Variants in VASH2 observed in about 807,000 individuals in gnomAD.
The protein encoded by VASH2 is vasohibin 2.
Under a neutral mutation model 37.2 loss-of-function variants are expected in VASH2, and 28 were observed. The observed-to-expected ratio is 0.75, with a 90% CI of 0.56 to 1.03. VASH2 has a LOEUF of 1.03. VASH2 is among the 50% of genes least tolerant of loss of function. The pLI, the probability that VASH2 is intolerant of heterozygous loss-of-function variation, is 0.00. For synonymous variants in VASH2, 188 were observed against 174.7 expected, an observed-to-expected ratio of 1.08 and a Z score of -0.60; for missense variants, 419 against 459.1, an observed-to-expected ratio of 0.91 and a Z score of 0.80.
In VASH2 at chr1:212,991,363, C is replaced by CT. The variant is rs2075858021; in HGVS notation, c.*2782dup. 6.6e-6 allele frequency: 1 copy of CT among 152,096 alleles called. No homozygotes were observed. The highest frequency in any genetic ancestry group is 1.5e-5 in the Non-Finnish European group (1 of 68,010). 9.4% of individuals were successfully genotyped at this position (152,096 alleles called of 1,614,324 possible). A position where few individuals can be genotyped will look rare whatever the true frequency, so the allele number is the denominator to read the frequency against. ...AGTTTTTTTGACATACAATTCAGAACTTTGTTTATTCTCTTGGACTTTGTT... is the reference window on the plus strand; with the variant it reads ...AGTTTTTTTGACATACAATTCAGAACTTTTGTTTATTCTCTTGGACTTTGTT... On this transcript the variant is annotated 3_prime_UTR_variant, in exon 8 of 8. Coordinates refer to ENST00000517399, the MANE Select transcript of VASH2 (RefSeq NM_001301056.2).
intron 7 of VASH2, among the ~76,000 whole-genome samples, chr1:212,983,760 A>G (rs995579929): frequency 1.3e-5 from 2 of 152,214 alleles, no homozygotes; most frequent in African/African-American, 4.8e-5. Context: ...CATTCTAGAC[A>G]GGAGACAGCA....
chr1:212,960,288 A>G (rs919284589), intron 2 of VASH2, among the ~76,000 whole-genome samples: 2 of 152,144 alleles, frequency 1.3e-5, no homozygotes, highest in Non-Finnish European at 2.9e-5. Context: ...TGTTGTAGAC[A>G]TTCAGGGAGT....
intron 2 of VASH2, among the ~76,000 whole-genome samples, chr1:212,954,826 C>T (rs1666433571): frequency 6.6e-6 from 1 of 152,200 alleles, no homozygotes. Context: ...CAAATGTGGA[C>T]AGTCAGCTTT....
intron 6 of VASH2, chr1:212,973,524 G>A (rs1335616726): frequency 3.1e-6 from 4 of 1,289,852 alleles, no homozygotes; most frequent in Non-Finnish European, 4.0e-6. Flanking sequence ...GACCTGGAGT[G>A]GAGATTCCTG....
Position 212,988,801 on chromosome 1 carries a change from T to C in VASH2, c.*217T>C, listed in dbSNP as rs755486411. On this transcript the variant is annotated 3_prime_UTR_variant, in exon 8 of 8. Coordinates refer to ENST00000517399, the MANE Select transcript of VASH2 (RefSeq NM_001301056.2). ...GCTGAAGTAATAAGCCCCACTGGGG[T>C]TGGACTATGTCCCTCACTCAAGATC... is the stretch of plus-strand genomic sequence containing the variant. 8.9e-6 allele frequency: 5 copies of C among 559,462 alleles called. No individual in the cohort carries two copies. The highest frequency in any genetic ancestry group is 1.3e-5 in the Non-Finnish European group (4 of 312,470). 34.7% of individuals were successfully genotyped at this position (559,462 alleles called of 1,614,324 possible). A position where few individuals can be genotyped will look rare whatever the true frequency, so the allele number is the denominator to read the frequency against.
chr1:212,956,354 C>T (rs1057310189), intron 2 of VASH2, among the ~76,000 whole-genome samples: 2 of 152,152 alleles, frequency 1.3e-5, no homozygotes, highest in African/African-American at 4.8e-5. Flanking sequence ...TTTTCTGGGG[C>T]CCCCACCCCT....
At position 212,972,746 on chromosome 1, in the gene VASH2, T is replaced by C; in HGVS notation, c.664T>C (p.Phe222Leu). Residue 222 changes from phenylalanine to leucine, a missense_variant, in exon 6 of 8, where the codon TTT (phenylalanine) becomes CTT (leucine). Phe to Leu is a conservative substitution (Grantham distance 22). Transcript: ENST00000517399. Reference protein sequence around the residue: ...RAELMDKPLTFRTLSDLIFDF... With the variant: ...RAELMDKPLTLRTLSDLIFDF... Reference sequence around the variant, plus strand: ...TGAGCTGATGGACAAGCCATTGACTTTTCGGACTCTGAGTGACCTCATCTT... The same window carrying C: ...TGAGCTGATGGACAAGCCATTGACTCTTCGGACTCTGAGTGACCTCATCTT... The C allele has an allele frequency of 6.2e-7, 1 of 1,614,204 alleles. No homozygotes were observed. Among genetic ancestry groups the C allele is most frequent in the Non-Finnish European group, 8.5e-7 (1 of 1,180,044 alleles).
chr1:212,988,548 C>T lies in VASH2; in HGVS notation c.1032C>T (p.Ser344=). 1 of 1,614,160 alleles carries T rather than the reference C, an allele frequency of 6.2e-7. No individual in the cohort carries two copies. Among genetic ancestry groups the T allele is most frequent in the Non-Finnish European group, 8.5e-7 (1 of 1,180,016 alleles). The change falls in exon 8 of 8, where the codon AGC becomes AGT. Residue 344 remains serine, a synonymous_variant. Transcript: ENST00000517399. ...ALPEKKVADL[S]TLNEVGYQIR... ...CTGAAAAGAAGGTGGCTGATCTGAG[C>T]ACTCTGAATGAAGTGGGCTATCAAA...
Position 212,989,709 on chromosome 1 carries a change from A to G in VASH2, c.*1125A>G, listed in dbSNP as rs914248333. On this transcript the variant is annotated 3_prime_UTR_variant, in exon 8 of 8. Coordinates refer to ENST00000517399, the MANE Select transcript of VASH2 (RefSeq NM_001301056.2). ...ATTTTAGGAATGAGTATTGGAAAAT[A>G]TAAAGAATTAGAAAAGCAGCACTTT... 5 of 152,226 alleles carry G rather than the reference A, an allele frequency of 3.3e-5. No individual in the cohort carries two copies. The highest frequency in any genetic ancestry group is 1.2e-4 in the African/African-American group (5 of 41,456). 9.4% of individuals were successfully genotyped at this position (152,226 alleles called of 1,614,324 possible).
intron 7 of VASH2, among the ~76,000 whole-genome samples, chr1:212,986,549 T>A (rs1667484317): frequency 6.6e-6 from 1 of 152,182 alleles, no homozygotes; most frequent in African/African-American, 2.4e-5. Context: ...GAATATAAAT[T>A]TGAATCCCCA....
intron 5 of VASH2, among the ~76,000 whole-genome samples, chr1:212,970,457 T>C (rs1210506461): frequency 2.0e-5 from 3 of 152,252 alleles, no homozygotes; most frequent in African/African-American, 7.2e-5. Flanking sequence ...CAGAGGTTGC[T>C]AGGCTTGCCT....
chr1:212,988,452 C>A, intron 7 of VASH2, 60 bp from the exon 8 acceptor site: 1 of 1,554,424 alleles, frequency 6.4e-7, no homozygotes, highest in Non-Finnish European at 8.9e-7. Context: ...CTTGAAAATG[C>A]TGTTGTCTTT....
chr1:212,978,150 C>T (rs1456673608), intron 7 of VASH2, among the ~76,000 whole-genome samples: 3 of 152,158 alleles, frequency 2.0e-5, no homozygotes. Context: ...CTGGGAGGGG[C>T]CCAACTGGTC....
intron 2 of VASH2, among the ~76,000 whole-genome samples, chr1:212,958,417 C>T (rs1485177511): frequency 6.6e-6 from 1 of 152,238 alleles, no homozygotes; most frequent in Non-Finnish European, 1.5e-5. Flanking sequence ...AACCATGCAG[C>T]TGTTTTTAAA....
At chr1:212,968,310 A>T in intron 5 of VASH2, 1 of 985,514 alleles carries the variant, frequency 1.0e-6, no homozygotes, top group Non-Finnish European at 1.2e-6. Flanking sequence ...CAAAGAGCCC[A>T]TGAAAGAGAC....
chr1:212,967,377 C>A (rs1325760556), intron 5 of VASH2: 2 of 1,204,142 alleles, frequency 1.7e-6, no homozygotes, highest in African/African-American at 1.6e-5. Context: ...CCTGATCTGC[C>A]ACAATCAGAT....
In VASH2 at chr1:212,951,966, C is replaced by T; in HGVS notation, c.276+148C>T. The stretch of plus-strand genomic sequence containing the variant: ...TCCTCTCCCCATTCCTTCCTGCCAG[C>T]CCTTTTCTAATTGAGATATTTAGAT... On this transcript the variant is annotated intron_variant, in intron 2 of 7. Coordinates refer to ENST00000517399, the MANE Select transcript of VASH2 (RefSeq NM_001301056.2). This position sits in a 1 kb window ranked among gnomAD's most constrained non-coding sequence, Gnocchi z 4.4. 9.7e-7 allele frequency: 1 copy of T among 1,028,332 alleles called. No individual in the cohort carries two copies. The highest frequency in any genetic ancestry group is 1.7e-5 in the South Asian group (1 of 57,674). The allele number at this position is 1,028,332 out of a possible 1,614,324, so 63.7% of individuals were successfully genotyped here. A position where few individuals can be genotyped will look rare whatever the true frequency, so the allele number is the denominator to read the frequency against.
At position 212,958,339 on chromosome 1, in the gene VASH2, G is replaced by A. The variant is rs566407146; in HGVS notation, c.277-2827G>A. 4.3e-4 allele frequency among the ~76,000 whole-genome samples: 65 copies of A among 152,276 alleles called. 1 individual carries two copies. The South Asian group carries it at 0.012, about 29-fold the overall frequency. On this transcript the variant is annotated intron_variant, in intron 2 of 7. Coordinates refer to ENST00000517399, the MANE Select transcript of VASH2 (RefSeq NM_001301056.2). ...CAGCTGGGACTTGGGGAATGTATAC[G>A]TTTGTCCTCCCGTTGGGCAGGAAGT...
At chr1:212,961,483 T>G (rs929642061) in intron 3 of VASH2, 22 of 769,392 alleles carry the variant, frequency 2.9e-5, no homozygotes, top group Non-Finnish European at 4.2e-5. Flanking sequence ...CTGCTTCTCT[T>G]TCTCCCTCCT....
Sources: gnomAD v4.1 joint callset for allele counts (sites outside exome capture counted in the v4.1 genomes callset) on GRCh38, gnomAD v4.1.1 for gene constraint, Gnocchi (gnomAD v3.1) non-coding constraint, MANE v1.5 for transcripts, NCBI Gene and HGNC (gene_info 2026-07-23, HGNC 2026-07-21) for gene names.